Variants in PTPRD observed in about 807,000 individuals in gnomAD.
PTPRD encodes the protein protein tyrosine phosphatase receptor type D, also known as receptor-type tyrosine-protein phosphatase delta.
In PTPRD, 34 loss-of-function variants were observed where a neutral mutation model predicts 214.5. The observed-to-expected ratio is 0.16, with a 90% CI of 0.12 to 0.21. The LOEUF (loss-of-function observed/expected upper bound fraction) is 0.21. Ranked by LOEUF, PTPRD falls within the 10% of genes least tolerant of loss-of-function variation. The probability of loss-of-function intolerance (pLI) is 1.00; values close to 1 mark genes in which losing one functional copy is unlikely to be tolerated. For synonymous variants in PTPRD, 1,128 were observed against 845.7 expected (o/e 1.33, Z -5.79); for missense variants, 2,545 against 2,398.7 (o/e 1.06, Z -1.27).
At chr9:10,197,328 AAT>A (rs148365050) in intron 3 of PTPRD, among the ~76,000 whole-genome samples, 2 of 152,292 alleles carry the variant, frequency 1.3e-5, no homozygotes, top group African/African-American at 4.8e-5. Flanking sequence ...CTGAGTTTAA[AAT>A]ATGACAGCAG....
At chr9:10,555,105 A>G (rs1009495252) in intron 2 of PTPRD, among the ~76,000 whole-genome samples, 11 of 152,208 alleles carry the variant, frequency 7.2e-5, no homozygotes, top group Admixed American at 2.0e-4. Flanking sequence ...GTAAAAGATC[A>G]GTTAAAAACA....
chr9:10,583,287 A>C (rs2072657862), intron 2 of PTPRD, among the ~76,000 whole-genome samples: 1 of 152,142 alleles, frequency 6.6e-6, no homozygotes, highest in South Asian at 2.1e-4. Context: ...AAGAGGACAA[A>C]AGCTAACATG....
intron 11 of PTPRD, among the ~76,000 whole-genome samples, chr9:8,775,932 T>G (rs2095453905): frequency 6.6e-6 from 1 of 152,194 alleles, no homozygotes; most frequent in Admixed American, 6.5e-5. Context: ...GATGTTTCAT[T>G]TAGGCTGGGC....
intron 11 of PTPRD, among the ~76,000 whole-genome samples, chr9:9,003,901 A>T (rs965461711): frequency 1.3e-5 from 2 of 152,068 alleles, no homozygotes; most frequent in African/African-American, 4.8e-5. Context: ...CTTTCATGTG[A>T]TTTGTTGTCT....
intron 10 of PTPRD, among the ~76,000 whole-genome samples, chr9:9,044,107 A>C (rs954308430): frequency 6.6e-6 from 1 of 152,114 alleles, no homozygotes; most frequent in African/African-American, 2.4e-5. Flanking sequence ...CCACAAAGAC[A>C]ATTAAGTTGG....
chr9:8,690,236 A>G (rs2097774568), intron 12 of PTPRD, among the ~76,000 whole-genome samples: 1 of 152,034 alleles, frequency 6.6e-6, no homozygotes, highest in African/African-American at 2.4e-5. Context: ...TCTTTAAAAT[A>G]TTTAGATTTG....
rs185400005 is a variant in PTPRD, at chr9:10,286,094, G to A, written c.-545+54869C>T. Among the ~76,000 whole-genome samples, 499 of 152,220 alleles carry A rather than the reference G, an allele frequency of 3.3e-3. 3 individuals are homozygous for A. The highest frequency in any genetic ancestry group is 0.012 in the African/African-American group (483 of 41,542). On this transcript the variant is annotated intron_variant, in intron 3 of 45. Coordinates refer to ENST00000381196, the MANE Select transcript of PTPRD (RefSeq NM_002839.4). ...ATGTTTGTGTTAAATATATATTTAT[G>A]TATTTTTAAATCCATACATAACAAT...
chr9:8,530,646 G>C (rs942993969), intron 14 of PTPRD, among the ~76,000 whole-genome samples: 56 of 151,994 alleles, frequency 3.7e-4, no homozygotes, highest in Admixed American at 1.2e-3. Flanking sequence ...TGATTCCTAA[G>C]CCTAAGTATG....
At position 9,599,393 on chromosome 9, in the gene PTPRD, T is replaced by C. The variant is rs575902968; in HGVS notation, c.-286-24612A>G. Among the ~76,000 whole-genome samples, 112 of 152,154 alleles carry C rather than the reference T, an allele frequency of 7.4e-4. 1 individual carries two copies. The highest frequency in any genetic ancestry group is 6.8e-3 in the Middle Eastern group (2 of 294). ...GATACCAAGGCAACCACTAAATCCA[T>C]GCCCTTAACCAGGAAGCCTCAAGCA... On this transcript the variant is annotated intron_variant, in intron 7 of 45. Transcript: ENST00000381196.
At chr9:10,594,701 A>G (rs1397074710) in intron 2 of PTPRD, among the ~76,000 whole-genome samples, 1 of 151,970 alleles carries the variant, frequency 6.6e-6, no homozygotes, top group Non-Finnish European at 1.5e-5. Flanking sequence ...TCAGAGGTAC[A>G]AGGTCACACC....
At chr9:9,017,211 C>T (rs559701247) in intron 11 of PTPRD, among the ~76,000 whole-genome samples, 1 of 152,130 alleles carries the variant, frequency 6.6e-6, no homozygotes, top group South Asian at 2.1e-4. Context: ...AACAACCATA[C>T]TTTTCCAAGT....
intron 11 of PTPRD, among the ~76,000 whole-genome samples, chr9:8,877,418 C>T (rs951655114): frequency 1.3e-5 from 2 of 152,000 alleles, no homozygotes; most frequent in African/African-American, 2.4e-5. Context: ...TATGAGACAC[C>T]AATATCTAGG....
chr9:9,015,232 T>G (rs964607765), intron 11 of PTPRD, among the ~76,000 whole-genome samples: 1 of 152,124 alleles, frequency 6.6e-6, no homozygotes, highest in Non-Finnish European at 1.5e-5. Context: ...GGCTGTATTC[T>G]CAGAGGGTTA....
intron 11 of PTPRD, among the ~76,000 whole-genome samples, chr9:8,820,494 A>G (rs1040893602): frequency 6.6e-6 from 1 of 152,222 alleles, no homozygotes; most frequent in Non-Finnish European, 1.5e-5. Flanking sequence ...CAGAAAAAAT[A>G]TTAAGAAAGT....
intron 11 of PTPRD, among the ~76,000 whole-genome samples, chr9:8,777,988 TTCA>T (rs2095550992): frequency 6.6e-6 from 1 of 152,170 alleles, no homozygotes; most frequent in African/African-American, 2.4e-5. Context: ...TATCAATGCT[TTCA>T]AAACAAAATA....
intron 11 of PTPRD, among the ~76,000 whole-genome samples, chr9:8,931,684 G>A (rs183005135): frequency 7.9e-5 from 12 of 152,254 alleles, no homozygotes; most frequent in African/African-American, 2.9e-4. Context: ...CTCATGAAAT[G>A]AGTTAGGGAG....
intron 44 of PTPRD, among the ~76,000 whole-genome samples, chr9:8,323,521 G>A (rs551359572): frequency 6.6e-6 from 1 of 152,294 alleles, no homozygotes; most frequent in Admixed American, 6.5e-5. Flanking sequence ...AGTAACAGGA[G>A]TTTGGAAGAA....
At chr9:10,446,269 T>G (rs1186256928) in intron 2 of PTPRD, among the ~76,000 whole-genome samples, 2 of 151,644 alleles carry the variant, frequency 1.3e-5, no homozygotes, top group Non-Finnish European at 2.9e-5. Context: ...AGGAAAGAAG[T>G]GCAGGAAAAA....
chr9:10,519,070 G>C (rs543309941), intron 2 of PTPRD, among the ~76,000 whole-genome samples: 2 of 151,606 alleles, frequency 1.3e-5, no homozygotes, highest in East Asian at 3.9e-4. Flanking sequence ...TACAAATCCA[G>C]CAGCATATCC....
Sources: gnomAD v4.1 joint callset for allele counts (sites outside exome capture counted in the v4.1 genomes callset) on GRCh38, gnomAD v4.1.1 for gene constraint, MANE v1.5 for transcripts, NCBI Gene and HGNC (gene_info 2026-07-23, HGNC 2026-07-21) for gene names.